NRDE2: variants seen among roughly 807,000 people sequenced by gnomAD.
The protein encoded by NRDE2 is NRDE-2, necessary for RNA interference, domain containing.
NRDE2 carries 76 observed loss-of-function variants against 124.2 expected under a neutral mutation model. The observed-to-expected ratio is 0.61, with a 90% CI of 0.51 to 0.74. The LOEUF (loss-of-function observed/expected upper bound fraction) is 0.74. NRDE2 is among the 30% of genes least tolerant of loss of function. NRDE2 has a pLI of 0.00. For missense variants in NRDE2, 1,314 were observed against 1,417.3 expected (o/e 0.93, Z 1.17); for synonymous variants, 489 against 528.1 (o/e 0.93, Z 1.01).
chr14:90,269,662 CTT>C lies in NRDE2; in HGVS notation c.*8672_*8673del. ...TAAAAAAGCAAATACTGCAGTGAAA[CTT>C]AGGATAATTTACAAAAAAATAGGTC... On this transcript the variant is annotated 3_prime_UTR_variant, in exon 14 of 14. Transcript: ENST00000354366. 4 of 1,216,354 alleles carry C rather than the reference CTT, an allele frequency of 3.3e-6. No homozygotes were observed. The South Asian group carries it at 4.6e-5, about 14-fold the overall frequency. 75.3% of individuals were successfully genotyped at this position (1,216,354 alleles called of 1,614,324 possible). A position where few individuals can be genotyped will look rare whatever the true frequency, so the allele number is the denominator to read the frequency against.
intron 9 of NRDE2, 88 bp from the exon 10 acceptor site, chr14:90,290,695 G>C (rs111821607): frequency 1.5e-6 from 2 of 1,347,126 alleles, no homozygotes; most frequent in Non-Finnish European, 2.0e-6. Context: ...TGTACTAATG[G>C]TTCAACATTA....
chr14:90,288,463 A>G lies in NRDE2; in HGVS notation c.2912T>C (p.Phe971Ser), dbSNP rs1261083849. The G allele has an allele frequency of 6.2e-7, 1 of 1,614,084 alleles. No individual in the cohort carries two copies. Among genetic ancestry groups the G allele is most frequent in the African/African-American group, 1.3e-5 (1 of 74,928 alleles). ...CGGGTAAACACTCACTTTCATGTGG[A>G]ATCTCAGCAGGCTCGTGTGCATCAG... ...ITLMHTSLLR[F>S]HMKVSVYPLA... The change falls in exon 11 of 14, where the codon TTC becomes TCC. Residue 971 changes from phenylalanine to serine, a missense_variant. Phe to Ser is a radical substitution (Grantham distance 155). Transcript: ENST00000354366.
At chr14:90,330,360 T>A (rs986943231) in intron 1 of NRDE2, among the ~76,000 whole-genome samples, 1 of 152,166 alleles carries the variant, frequency 6.6e-6, no homozygotes, top group Non-Finnish European at 1.5e-5. Flanking sequence ...CTACTATCGA[T>A]CTGTACATCC....
chr14:90,292,720 C>A lies in NRDE2; in HGVS notation c.1819G>T (p.Asp607Tyr), dbSNP rs1277397097. The A allele has an allele frequency of 2.5e-6, 4 of 1,614,172 alleles. No individual in the cohort carries two copies. The highest frequency in any genetic ancestry group is 1.1e-5 in the South Asian group (1 of 91,084). Residue 607 changes from aspartate to tyrosine, a missense_variant, in exon 9 of 14, where the codon GAC (aspartate) becomes TAC (tyrosine). Asp to Tyr is a radical substitution (Grantham distance 160, BLOSUM62 -3). Transcript: ENST00000354366. ...GCCTGTCTCTCGGGATCCTCACAGT[C>A]TTCCTCGGTTTGCTTCTTGGTCTTA... ...PDKTKKQTEE[D>Y]CEDPERQVLF...
At chr14:90,302,668 C>A in intron 6 of NRDE2, 52 bp downstream of exon 6, 1 of 1,466,376 alleles carries the variant, frequency 6.8e-7, no homozygotes, top group Non-Finnish European at 9.1e-7. Flanking sequence ...TCAAGTAAAG[C>A]CAAAAGAAAG....
intron 1 of NRDE2, among the ~76,000 whole-genome samples, chr14:90,326,546 T>C (rs549345126): frequency 6.8e-6 from 1 of 146,512 alleles, no homozygotes. Context: ...GTTGCTCTTA[T>C]AGAAGGGAGG....
intron 1 of NRDE2, among the ~76,000 whole-genome samples, chr14:90,326,268 G>A (rs1422187230): frequency 6.6e-6 from 1 of 152,088 alleles, no homozygotes; most frequent in East Asian, 1.9e-4. Flanking sequence ...GCCGAGGCGG[G>A]TGGATCATGA....
intron 1 of NRDE2, among the ~76,000 whole-genome samples, chr14:90,319,321 T>G (rs1175906874): frequency 2.0e-5 from 3 of 152,160 alleles, no homozygotes; most frequent in Non-Finnish European, 4.4e-5. Flanking sequence ...TTGAACAGTT[T>G]TATTGAGATA....
chr14:90,282,477 CA>C (rs112128427), intron 12 of NRDE2, among the ~76,000 whole-genome samples: 82 of 135,214 alleles, frequency 6.1e-4, no homozygotes, highest in Middle Eastern at 3.8e-3. Context: ...GACCCTATCT[CA>C]AAAAAAAAAA....
chr14:90,331,302 C>T (rs1433786020), intron 1 of NRDE2, among the ~76,000 whole-genome samples: 1 of 152,198 alleles, frequency 6.6e-6, no homozygotes, highest in Non-Finnish European at 1.5e-5. Flanking sequence ...TAACCTGATA[C>T]ACACTAGGCC....
At chr14:90,324,715 TTG>T (rs1037647020) in intron 1 of NRDE2, among the ~76,000 whole-genome samples, 15 of 150,894 alleles carry the variant, frequency 9.9e-5, no homozygotes, top group Non-Finnish European at 1.9e-4. Context: ...TGAAGCTAAA[TTG>T]TGTGAGTTCA....
chr14:90,287,033 C>G (rs1199289344), intron 11 of NRDE2, among the ~76,000 whole-genome samples: 4 of 23,816 alleles, frequency 1.7e-4, no homozygotes, highest in African/African-American at 4.6e-4. Context: ...GACTCCGTCT[C>G]AAAAAAAAAA....
chr14:90,285,783 G>C (rs1169816132), intron 12 of NRDE2, among the ~76,000 whole-genome samples: 1 of 151,958 alleles, frequency 6.6e-6, no homozygotes, highest in Non-Finnish European at 1.5e-5. Flanking sequence ...AAGGCTCACA[G>C]GCACCATGCC....
rs1010489106 is a variant in NRDE2, at chr14:90,272,294, C to T, written c.*6042G>A. 2 of 1,604,000 alleles carry T rather than the reference C, an allele frequency of 1.2e-6. No homozygotes were observed. The highest frequency in any genetic ancestry group is 1.7e-6 in the Non-Finnish European group (2 of 1,178,180). On this transcript the variant is annotated 3_prime_UTR_variant, in exon 14 of 14. Coordinates refer to ENST00000354366, the MANE Select transcript of NRDE2 (RefSeq NM_017970.4). The surrounding 1 kb of genome is among the most constrained non-coding windows in gnomAD (Gnocchi z 4.5). ...ACAGGCAATCTGTACAGAAGCTGGT[C>T]TGATGGCCTTAAGAGAACGTAGAAT...
Position 90,323,303 on chromosome 14 carries a change from A to G in NRDE2, c.65-5190T>C, listed in dbSNP as rs1176208899. 2.6e-5 allele frequency among the ~76,000 whole-genome samples: 4 copies of G among 152,302 alleles called. No homozygotes were observed. The East Asian group carries it at 7.7e-4, about 29-fold the overall frequency. The stretch of plus-strand genomic sequence containing the variant: ...TCTCTACCACTAGTAAAAATGCTTT[A>G]ATTTAATTCTATTACACATAGAGGG... On this transcript the variant is annotated intron_variant, in intron 1 of 13. Coordinates refer to ENST00000354366, the MANE Select transcript of NRDE2 (RefSeq NM_017970.4).
intron 3 of NRDE2, among the ~76,000 whole-genome samples, chr14:90,312,949 G>A (rs1471504095): frequency 6.6e-6 from 1 of 152,212 alleles, no homozygotes; most frequent in South Asian, 2.1e-4. Context: ...TAGGCAGAGG[G>A]AACTCCCACA....
rs982800327 is a variant in NRDE2, at chr14:90,270,570, G to A, written c.*7766C>T. The stretch of plus-strand genomic sequence containing the variant: ...GCAGTGAATGACGCTAAATCACCTG[G>A]AGCCACAAGGCTGAGTCGCTGGTAC... On this transcript the variant is annotated 3_prime_UTR_variant, in exon 14 of 14. Coordinates refer to ENST00000354366, the MANE Select transcript of NRDE2 (RefSeq NM_017970.4). The A allele has an allele frequency of 2.4e-5, 12 of 495,866 alleles. No individual in the cohort carries two copies. The highest frequency in any genetic ancestry group is 3.9e-5 in the Admixed American group (1 of 25,924). 30.7% of individuals were successfully genotyped at this position (495,866 alleles called of 1,614,324 possible). A position where few individuals can be genotyped will look rare whatever the true frequency, so the allele number is the denominator to read the frequency against.
At chr14:90,323,725 C>G (rs1056175372) in intron 1 of NRDE2, among the ~76,000 whole-genome samples, 6 of 152,082 alleles carry the variant, frequency 3.9e-5, no homozygotes, top group Non-Finnish European at 5.9e-5. Flanking sequence ...TGAAGAGGCC[C>G]AGGAATTCCA....
chr14:90,270,526 T>A lies in NRDE2; in HGVS notation c.*7810A>T. 1 of 667,534 alleles carries A rather than the reference T, an allele frequency of 1.5e-6. No individual in the cohort carries two copies. 41.4% of individuals were successfully genotyped at this position (667,534 alleles called of 1,614,324 possible). A position where few individuals can be genotyped will look rare whatever the true frequency, so the allele number is the denominator to read the frequency against. ...TATATGTGCTTGATATTGAAGTCAT[T>A]CTTAATGCATCATTTTATGCAGTGA... On this transcript the variant is annotated 3_prime_UTR_variant, in exon 14 of 14. Transcript: ENST00000354366.
Sources: gnomAD v4.1 joint callset for allele counts (sites outside exome capture counted in the v4.1 genomes callset) on GRCh38, gnomAD v4.1.1 for gene constraint, Gnocchi (gnomAD v3.1) non-coding constraint, MANE v1.5 for transcripts, NCBI Gene and HGNC (gene_info 2026-07-23, HGNC 2026-07-21) for gene names.